The following SLC24A2 variants were observed in gnomAD, a reference collection of about 807,000 sequenced individuals.
SLC24A2 encodes solute carrier family 24 member 2, also known as sodium/potassium/calcium exchanger 2.
A neutral mutation model predicts 62.0 loss-of-function variants in SLC24A2; 36 were observed. That is an observed-to-expected ratio of 0.58 (90% CI 0.44 to 0.77). The LOEUF (loss-of-function observed/expected upper bound fraction) is 0.77, where lower values mean the gene tolerates loss of function less well. Among genes scored for constraint, SLC24A2 ranks in the 30% least tolerant of loss-of-function variants. SLC24A2 has a pLI of 0.00. For synonymous variants in SLC24A2, 358 were observed against 294.0 expected, an observed-to-expected ratio of 1.22 and a Z score of -2.23; for missense variants, 846 against 817.9, an observed-to-expected ratio of 1.03 and a Z score of -0.42.
the SLC24A2 span, among the ~76,000 whole-genome samples, chr9:19,881,498 A>T: frequency 2.6e-5 from 4 of 152,146 alleles, no homozygotes; most frequent in Non-Finnish European, 5.9e-5. Flanking sequence ...TATGTAAAGG[A>T]TAGTGTTACA....
chr9:20,029,788 C>A, the SLC24A2 span, among the ~76,000 whole-genome samples: 1 of 152,002 alleles, frequency 6.6e-6, no homozygotes, highest in African/African-American at 2.4e-5. Flanking sequence ...CTGATACTAG[C>A]TAGAGTTCCT....
chr9:19,658,069 G>A (rs1818992428), intron 2 of SLC24A2, among the ~76,000 whole-genome samples: 1 of 152,126 alleles, frequency 6.6e-6, no homozygotes, highest in Non-Finnish European at 1.5e-5. Context: ...TGTACATCAG[G>A]CACTGGACTG....
chr9:19,557,338 G>T (rs1269262191), intron 7 of SLC24A2, among the ~76,000 whole-genome samples: 2 of 152,224 alleles, frequency 1.3e-5, no homozygotes, highest in African/African-American at 4.8e-5. Flanking sequence ...GGAAATTACA[G>T]GAAAGAGAAG....
intron 2 of SLC24A2, among the ~76,000 whole-genome samples, chr9:19,731,752 C>T (rs1821345285): frequency 6.6e-6 from 1 of 152,148 alleles, no homozygotes; most frequent in African/African-American, 2.4e-5. Flanking sequence ...ATAGGTAAAA[C>T]ATCAAATATA....
At chr9:19,575,740 A>G (rs1835990773) in intron 6 of SLC24A2, among the ~76,000 whole-genome samples, 1 of 152,178 alleles carries the variant, frequency 6.6e-6, no homozygotes, top group Non-Finnish European at 1.5e-5. Flanking sequence ...GAGGAGGAGG[A>G]CTGCGACTGA....
intron 2 of SLC24A2, among the ~76,000 whole-genome samples, chr9:19,639,113 T>TC (rs1818428946): frequency 1.5e-5 from 1 of 68,524 alleles, no homozygotes; most frequent in Non-Finnish European, 3.0e-5. Flanking sequence ...AAGTGGTTTT[T>TC]TCCCCCAACA....
intron 2 of SLC24A2, among the ~76,000 whole-genome samples, chr9:19,739,591 T>TGATTCAATTC (rs1279208426): frequency 2.6e-5 from 4 of 152,186 alleles, no homozygotes; most frequent in Non-Finnish European, 5.9e-5. Context: ...CAATAAATAG[T>TGATTCAATTC]AGATCACTTG....
At chr9:19,825,662 T>A in the SLC24A2 span, among the ~76,000 whole-genome samples, 2 of 152,130 alleles carry the variant, frequency 1.3e-5, no homozygotes, top group African/African-American at 4.8e-5. Context: ...GCATAGAAGG[T>A]AGAAATAGCC....
the SLC24A2 span, among the ~76,000 whole-genome samples, chr9:20,165,955 G>C: frequency 6.6e-6 from 1 of 151,780 alleles, no homozygotes. Context: ...ATGGAAACAT[G>C]AGACATCCTA....
the SLC24A2 span, among the ~76,000 whole-genome samples, chr9:20,054,224 C>G: frequency 6.6e-6 from 1 of 151,906 alleles, no homozygotes; most frequent in Non-Finnish European, 1.5e-5. Flanking sequence ...TGGAGTCTCA[C>G]TCTGTCACCC....
chr9:19,601,649 ATT>A (rs34887330), intron 4 of SLC24A2, among the ~76,000 whole-genome samples: 8,607 of 151,092 alleles, frequency 0.057, 464 homozygotes, highest in East Asian at 0.29. Context: ...CTGTTAGAAT[ATT>A]TTTTTTTTTC....
the SLC24A2 span, among the ~76,000 whole-genome samples, chr9:20,144,427 C>T: frequency 3.3e-5 from 5 of 152,176 alleles, no homozygotes; most frequent in Non-Finnish European, 1.5e-5. Context: ...TAGCTCGCTC[C>T]GACCACTAGC....
chr9:20,037,816 G>T, the SLC24A2 span, among the ~76,000 whole-genome samples: 1 of 152,204 alleles, frequency 6.6e-6, no homozygotes, highest in African/African-American at 2.4e-5. Flanking sequence ...GCCTCTAGTA[G>T]GTGGGGGCCA....
chr9:19,817,491 A>G, the SLC24A2 span, among the ~76,000 whole-genome samples: 26 of 151,752 alleles, frequency 1.7e-4, no homozygotes, highest in East Asian at 4.8e-3. Context: ...AATTTTATGT[A>G]TATTCACTTA....
At chr9:19,687,077 T>C (rs933558844) in intron 2 of SLC24A2, among the ~76,000 whole-genome samples, 1 of 151,920 alleles carries the variant, frequency 6.6e-6, no homozygotes, top group South Asian at 2.1e-4. Flanking sequence ...AAGCTAAACA[T>C]TGAGTACACA....
In SLC24A2 at chr9:19,519,495, G is replaced by C. The variant is rs1833089850; in HGVS notation, c.1736+1399C>G. On this transcript the variant is annotated intron_variant, in intron 10 of 10. Coordinates refer to ENST00000341998, the MANE Select transcript of SLC24A2 (RefSeq NM_020344.4). ...CCAAGAACTCTACCAGGAATATTTGGACCACGGAACTGAGAAACACTGTTT... is the reference window on the plus strand; with the variant it reads ...CCAAGAACTCTACCAGGAATATTTGCACCACGGAACTGAGAAACACTGTTT... Among the ~76,000 whole-genome samples the C allele has an allele frequency of 1.3e-5, 2 of 152,020 alleles. 1 individual carries two copies. The highest frequency in any genetic ancestry group is 4.2e-4 in the South Asian group (2 of 4,808).
At chr9:20,078,222 G>A in the SLC24A2 span, among the ~76,000 whole-genome samples, 3 of 152,168 alleles carry the variant, frequency 2.0e-5, no homozygotes, top group African/African-American at 4.8e-5. Context: ...GCTGTAGGAA[G>A]TGGGAGCAAC....
chr9:20,085,664 T>C, the SLC24A2 span, among the ~76,000 whole-genome samples: 2 of 152,244 alleles, frequency 1.3e-5, no homozygotes, highest in African/African-American at 4.8e-5. Flanking sequence ...CAAAATTTTA[T>C]TGTATTAATA....
the SLC24A2 span, among the ~76,000 whole-genome samples, chr9:20,066,649 TG>T: frequency 6.6e-6 from 1 of 152,162 alleles, no homozygotes; most frequent in African/African-American, 2.4e-5. Context: ...TTATGGAACA[TG>T]GGTATTAATT....
Sources: gnomAD v4.1 joint callset for allele counts (sites outside exome capture counted in the v4.1 genomes callset) on GRCh38, gnomAD v4.1.1 for gene constraint, MANE v1.5 for transcripts, NCBI Gene and HGNC (gene_info 2026-07-23, HGNC 2026-07-21) for gene names.